The following SHANK1 variants were observed in gnomAD, a reference collection of about 807,000 sequenced individuals.
The protein encoded by SHANK1 is SH3 and multiple ankyrin repeat domains protein 1.
Under a neutral mutation model 165.6 loss-of-function variants are expected in SHANK1, and 35 were observed. The observed-to-expected ratio is 0.21, with a 90% CI of 0.16 to 0.28. The LOEUF is 0.28. Among genes scored for constraint, SHANK1 ranks in the 10% least tolerant of loss-of-function variants. SHANK1 has a pLI of 1.00. For missense variants in SHANK1, 2,681 were observed against 3,036.4 expected (o/e 0.88, Z 2.75); for synonymous variants, 1,428 against 1,384.8 (o/e 1.03, Z -0.69).
At chr19:50,709,263 C>T (rs924649880) in intron 8 of SHANK1, among the ~76,000 whole-genome samples, 34 of 151,992 alleles carry the variant, frequency 2.2e-4, no homozygotes, top group African/African-American at 8.2e-4. Flanking sequence ...CTCAGCCTCC[C>T]GAGTAGCTGG....
chr19:50,665,022 G>A (rs1165697270), intron 23 of SHANK1, among the ~76,000 whole-genome samples: 1 of 152,216 alleles, frequency 6.6e-6, no homozygotes, highest in Non-Finnish European at 1.5e-5. Context: ...CTCCCAAAGT[G>A]CTGGGATTAC....
rs116357088 is a variant in SHANK1 at position 50,683,859 on chromosome 19, A to G, written c.2577+2378T>C. ...GAGTAGGCAAATTCGCAGACACAGA[A>G]TCTGGGAATCATGAGGGCCAACTGT... On this transcript the variant is annotated intron_variant, in intron 21 of 23. Coordinates refer to ENST00000293441, the MANE Select transcript of SHANK1 (RefSeq NM_016148.5). 6.3e-3 allele frequency among the ~76,000 whole-genome samples: 956 copies of G among 152,320 alleles called. 14 individuals are homozygous for G. Among genetic ancestry groups the G allele is most frequent in the African/African-American group, 0.022 (901 of 41,560 alleles).
At chr19:50,698,276 C>G (rs910197492) in intron 12 of SHANK1, among the ~76,000 whole-genome samples, 1 of 152,082 alleles carries the variant, frequency 6.6e-6, no homozygotes. Context: ...TGTGTAATTC[C>G]CCTTCACCCT....
At chr19:50,677,486 ATTTGC>A (rs1308895807) in intron 21 of SHANK1, among the ~76,000 whole-genome samples, 4 of 152,010 alleles carry the variant, frequency 2.6e-5, no homozygotes, top group Non-Finnish European at 5.9e-5. Context: ...AGCCACCATT[ATTTGC>A]TTTTTCTCCC....
chr19:50,703,833 G>A lies in SHANK1; in HGVS notation c.1223-3C>T, dbSNP rs770474266. The A allele has an allele frequency of 1.3e-5, 19 of 1,418,644 alleles. No individual in the cohort carries two copies. The highest frequency in any genetic ancestry group is 1.8e-5 in the Non-Finnish European group (19 of 1,085,084). 87.9% of individuals were successfully genotyped at this position (1,418,644 alleles called of 1,614,324 possible). A position where few individuals can be genotyped will look rare whatever the true frequency, so the allele number is the denominator to read the frequency against. ...CTTGGGGGACTCCTGGAAGGGCACT[G>A]AGAGGGCACAGTGGCGGCGGGGGGC... is the stretch of plus-strand genomic sequence containing the variant. On this transcript the variant is annotated splice_region_variant and splice_polypyrimidine_tract_variant and intron_variant, in intron 10 of 23. Transcript: ENST00000293441.
intron 8 of SHANK1, among the ~76,000 whole-genome samples, chr19:50,709,975 G>A (rs10424472): frequency 0.031 from 4,728 of 152,296 alleles, 240 homozygotes; most frequent in African/African-American, 0.11. Flanking sequence ...GCCTTCCAGG[G>A]ATGAGCACTT....
At position 50,667,593 on chromosome 19, in the gene SHANK1, C is replaced by T. The variant is rs769535630; in HGVS notation, c.4367G>A (p.Gly1456Glu). ...CGTCCCCAGCTGCAGCAGGAGGGGCCCCACCCCGGGAGCGGTGGGCGGCAG... is the reference window on the plus strand; with the variant it reads ...CGTCCCCAGCTGCAGCAGGAGGGGCTCCACCCCGGGAGCGGTGGGCGGCAG... ...HRLPPTAPGVGPLLLQLGTEP... is the reference protein window; with the variant it reads ...HRLPPTAPGVEPLLLQLGTEP... The change falls in exon 23 of 24, where the codon GGG becomes GAG. Residue 1456 changes from glycine to glutamate, a missense_variant. By Grantham distance (98) the Gly-to-Glu change is moderately conservative. This residue lies in a region of SHANK1 where 1,713 missense variants were observed against 1,630.2 expected (regional missense o/e 1.05). Transcript: ENST00000293441. The surrounding 1 kb of genome is among the most constrained non-coding windows in gnomAD (Gnocchi z 5.7). The T allele has an allele frequency of 1.2e-5, 17 of 1,437,006 alleles. No individual in the cohort carries two copies. The highest frequency in any genetic ancestry group is 1.4e-5 in the Non-Finnish European group (16 of 1,106,866). The allele number at this position is 1,437,006 out of a possible 1,614,324, so 89.0% of individuals were successfully genotyped here.
chr19:50,679,198 GAGGGGTCAGGGTTACAGGCA>G (rs1456414709), intron 21 of SHANK1, among the ~76,000 whole-genome samples: 1 of 149,878 alleles, frequency 6.7e-6, no homozygotes, highest in Non-Finnish European at 1.5e-5. Context: ...GTGTGACGGG[GAGGGGTCAGGGTTACAGGCA>G]AGGGGTCAGG....
At chr19:50,707,455 G>T (rs779724926) in intron 8 of SHANK1, among the ~76,000 whole-genome samples, 1 of 152,136 alleles carries the variant, frequency 6.6e-6, no homozygotes, top group African/African-American at 2.4e-5. Context: ...CAAGGGGTTT[G>T]TATGGGCCTA....
Position 50,661,340 on chromosome 19 carries a change from T to C in SHANK1, c.*625A>G, listed in dbSNP as rs148025355. 2.0e-4 allele frequency among the ~76,000 whole-genome samples: 31 copies of C among 151,936 alleles called. No homozygotes were observed. In the South Asian group the frequency reaches 2.1e-3, roughly 10 times the overall value. On this transcript the variant is annotated 3_prime_UTR_variant, in exon 24 of 24. Transcript: ENST00000293441. ...GCGTGTGCGAGGAGAGCAGAGTGTA[T>C]TTGAGCGGGCCTCGCCAGCCAGAAG...
At chr19:50,687,107 T>C in intron 19 of SHANK1, 1 of 1,144,720 alleles carries the variant, frequency 8.7e-7, no homozygotes, top group Non-Finnish European at 1.2e-6. Flanking sequence ...AGGGGCCCCC[T>C]GTCTGGAAGC....
Position 50,671,167 on chromosome 19 carries a change from A to AT in SHANK1, c.2674+850dup, listed in dbSNP as rs370488165. On this transcript the variant is annotated intron_variant, in intron 22 of 23. Transcript: ENST00000293441. The stretch of plus-strand genomic sequence containing the variant: ...CCTATCTCTCTTACCTTACTCCATT[A>AT]TTTTTTTTCACTCTTTTTTTTTTTT... 6.8e-3 allele frequency among the ~76,000 whole-genome samples: 611 copies of AT among 90,064 alleles called. 1 individual carries two copies. Among genetic ancestry groups the AT allele is most frequent in the African/African-American group, 0.025 (578 of 23,270 alleles). The allele number at this position is 90,064 out of a possible 152,430, so 59.1% of individuals were successfully genotyped here. A position where few individuals can be genotyped will look rare whatever the true frequency, so the allele number is the denominator to read the frequency against.
chr19:50,690,222 G>A lies in SHANK1; in HGVS notation c.1965-943C>T, dbSNP rs1986498924. 6.6e-6 allele frequency among the ~76,000 whole-genome samples: 1 copy of A among 152,118 alleles called. No individual in the cohort carries two copies. The highest frequency in any genetic ancestry group is 2.4e-5 in the African/African-American group (1 of 41,410). ...AAAGCACCCATGAATATGGGTGGTA[G>A]TTTCCAGTAAAGCCATCAAATGCCA... is the stretch of plus-strand genomic sequence containing the variant. On this transcript the variant is annotated intron_variant, in intron 15 of 23. Transcript: ENST00000293441. This position sits in a 1 kb window ranked among gnomAD's most constrained non-coding sequence, Gnocchi z 4.9.
At chr19:50,692,931 ACCT>A (rs1285308404) in intron 15 of SHANK1, among the ~76,000 whole-genome samples, 2 of 130,820 alleles carry the variant, frequency 1.5e-5, no homozygotes, top group Admixed American at 1.6e-4. Context: ...GACCTCTGTG[ACCT>A]CCTCACCCTT....
chr19:50,704,082 C>T (rs766955370), intron 10 of SHANK1, 38 bp downstream of exon 10: 3 of 1,607,868 alleles, frequency 1.9e-6, no homozygotes, highest in East Asian at 2.2e-5. Context: ...CTCAACCGCC[C>T]CAGGTTCTCT....
At position 50,667,331 on chromosome 19, in the gene SHANK1, G is replaced by C; in HGVS notation, c.4629C>G (p.Pro1543=). 1 of 1,577,164 alleles carries C rather than the reference G, an allele frequency of 6.3e-7. No individual in the cohort carries two copies. Residue 1543 remains proline, a synonymous_variant, in exon 23 of 24, where the codon CCC becomes CCG. Coordinates refer to ENST00000293441, the MANE Select transcript of SHANK1 (RefSeq NM_016148.5). The surrounding 1 kb of genome is among the most constrained non-coding windows in gnomAD (Gnocchi z 5.7). ...GGGCGGGAGGCGGCAGGACCAGCAG[G>C]GGCAGCCCGTTCTCTTCGCTGGCCC... ...SPRASEENGL[P]LLVLPPPAPS... is the part of the protein sequence containing the mutation.
At position 50,714,288 on chromosome 19, in the gene SHANK1, C is replaced by T. The variant is rs1184679512; in HGVS notation, c.534G>A (p.Thr178=). The stretch of plus-strand genomic sequence containing the variant: ...CATACTCCAGGAACTTCTTCAACCC[C>T]GTCTGAGCCATGGGCAAAGAGAGAG... ...EKQLAKLHTK[T]GLKKFLEYVQ... Residue 178 remains threonine, a splice_region_variant and synonymous_variant, in exon 5 of 24, where the codon ACG becomes ACA. Transcript: ENST00000293441. 5 of 1,613,886 alleles carry T rather than the reference C, an allele frequency of 3.1e-6. No homozygotes were observed. The highest frequency in any genetic ancestry group is 2.2e-5 in the South Asian group (2 of 91,062).
chr19:50,668,546 C>T lies in SHANK1; in HGVS notation c.3414G>A (p.Pro1138=). 1 of 1,348,480 alleles carries T rather than the reference C, an allele frequency of 7.4e-7. No homozygotes were observed. The highest frequency in any genetic ancestry group is 9.5e-7 in the Non-Finnish European group (1 of 1,051,008). The allele number at this position is 1,348,480 out of a possible 1,614,324, so 83.5% of individuals were successfully genotyped here. ...GCGCGGCCACGGCGGGCGGCGGCTGCGGGGAGGCCGGGGACGTGGGCGACG... is the reference window on the plus strand; with the variant it reads ...GCGCGGCCACGGCGGGCGGCGGCTGTGGGGAGGCCGGGGACGTGGGCGACG... ...PAPSPTSPAS[P]QPPPAVAAPS... Residue 1138 remains proline (P), a synonymous_variant, in exon 23 of 24, where the codon CCG becomes CCA. Transcript: ENST00000293441.
At chr19:50,685,347 G>A (rs1986298713) in intron 21 of SHANK1, among the ~76,000 whole-genome samples, 1 of 152,142 alleles carries the variant, frequency 6.6e-6, no homozygotes, top group South Asian at 2.1e-4. Flanking sequence ...CTCCTTCCTT[G>A]AGCCTCAGTT....
Sources: gnomAD v4.1 joint callset for allele counts (sites outside exome capture counted in the v4.1 genomes callset) on GRCh38, gnomAD v4.1.1 for gene constraint, gnomAD v4.1.1 regional missense constraint, Gnocchi (gnomAD v3.1) non-coding constraint, MANE v1.5 for transcripts, NCBI Gene and HGNC (gene_info 2026-07-23, HGNC 2026-07-21) for gene names.